WNT2: variants seen among roughly 807,000 people sequenced by gnomAD.
WNT2 encodes Wnt family member 2, also known as protein Wnt-2.
Under a neutral mutation model 36.9 loss-of-function variants are expected in WNT2, and 12 were observed. The observed-to-expected ratio is 0.33, with a 90% confidence interval of 0.21 to 0.53. The LOEUF (loss-of-function observed/expected upper bound fraction) is 0.53. WNT2 is among the 20% of genes least tolerant of loss of function. The pLI is 0.95. For missense variants in WNT2, 379 were observed against 473.1 expected (o/e 0.80, Z 1.84); for synonymous variants, 163 against 174.6 (o/e 0.93, Z 0.52).
chr7:117,309,144 C>T lies in WNT2; in HGVS notation c.588+5927G>A, dbSNP rs184275299. ...GTGCAGTGAGTCATGATTGCACTAC[C>T]GCACACTCCAGCCTGGGTGACAGGG... On this transcript the variant is annotated intron_variant, in intron 3 of 4. Transcript: ENST00000265441. 1.1e-4 allele frequency among the ~76,000 whole-genome samples: 17 copies of T among 151,614 alleles called. No homozygotes were observed. In the East Asian group the frequency reaches 2.1e-3, roughly 19 times the overall value.
intron 4 of WNT2, 35 bp from the exon 5 acceptor site, chr7:117,278,419 T>A: frequency 6.3e-7 from 1 of 1,586,656 alleles, no homozygotes; most frequent in Non-Finnish European, 8.6e-7. Context: ...ACTGAAAAGG[T>A]CTGGGTGGAA....
intron 3 of WNT2, among the ~76,000 whole-genome samples, chr7:117,302,719 A>G (rs1432620268): frequency 6.6e-6 from 1 of 152,204 alleles, no homozygotes; most frequent in Non-Finnish European, 1.5e-5. Flanking sequence ...TTAATAATGG[A>G]ATATTATGTG....
chr7:117,322,923 C>T lies in WNT2; in HGVS notation c.67G>A (p.Val23Ile), dbSNP rs1304367522. Residue 23 changes from valine (V) to isoleucine (I), a missense_variant, in exon 1 of 5, where the codon GTC becomes ATC. Coordinates refer to ENST00000265441, the MANE Select transcript of WNT2 (RefSeq NM_003391.3). This position sits in a 1 kb window ranked among gnomAD's most constrained non-coding sequence, Gnocchi z 5.4. ...PLLLTWLTPE[V>I]NSSWWYMRAT... ...TGGACTTACCACCATGAAGAGTTGA[C>T]CTCGGGGGTGAGCCAGGTCAAGAGC... 5.6e-6 allele frequency: 9 copies of T among 1,613,886 alleles called. No homozygotes were observed. The highest frequency in any genetic ancestry group is 7.6e-6 in the Non-Finnish European group (9 of 1,180,032).
chr7:117,310,551 C>G (rs1403749995), intron 3 of WNT2, among the ~76,000 whole-genome samples: 1 of 147,012 alleles, frequency 6.8e-6, no homozygotes, highest in African/African-American at 2.6e-5. Context: ...CCACCGCACT[C>G]CAGCCTGGGT....
chr7:117,305,900 C>T (rs188813118), intron 3 of WNT2, among the ~76,000 whole-genome samples: 2 of 152,272 alleles, frequency 1.3e-5, no homozygotes, highest in Admixed American at 6.5e-5. Context: ...GACCGACTTC[C>T]GCGGAGTTCT....
intron 4 of WNT2, among the ~76,000 whole-genome samples, chr7:117,296,055 T>C (rs910885727): frequency 3.3e-5 from 5 of 152,138 alleles, no homozygotes; most frequent in Non-Finnish European, 7.4e-5. Flanking sequence ...GCATAGGACT[T>C]AAATGATCAA....
rs180928825 is a variant in WNT2, at chr7:117,291,185, G to A, written c.853+6427C>T. 4.6e-5 allele frequency among the ~76,000 whole-genome samples: 7 copies of A among 152,276 alleles called. No individual in the cohort carries two copies. In the East Asian group the frequency reaches 5.8e-4, roughly 13 times the overall value. The stretch of plus-strand genomic sequence containing the variant: ...TGTGGGGGAAAAATGTGATACCTCG[G>A]TGCTTACACCATTCACAGCCTGGAG... On this transcript the variant is annotated intron_variant, in intron 4 of 4. Coordinates refer to ENST00000265441, the MANE Select transcript of WNT2 (RefSeq NM_003391.3).
chr7:117,292,507 C>T (rs1160547633), intron 4 of WNT2, among the ~76,000 whole-genome samples: 4 of 152,120 alleles, frequency 2.6e-5, no homozygotes, highest in South Asian at 2.1e-4. Flanking sequence ...GGGCCTGACT[C>T]GCAGCAGGAA....
At chr7:117,312,046 G>A (rs1175479154) in intron 3 of WNT2, among the ~76,000 whole-genome samples, 1 of 152,232 alleles carries the variant, frequency 6.6e-6, no homozygotes, top group Non-Finnish European at 1.5e-5. Flanking sequence ...AGGGCAGTAA[G>A]ACTGGAAACA....
At chr7:117,289,626 TG>T (rs1393456001) in intron 4 of WNT2, among the ~76,000 whole-genome samples, 1 of 152,224 alleles carries the variant, frequency 6.6e-6, no homozygotes. Flanking sequence ...AACTGTTTTA[TG>T]TTTTTTTATA....
chr7:117,305,151 A>G (rs145403969), intron 3 of WNT2, among the ~76,000 whole-genome samples: 1 of 152,254 alleles, frequency 6.6e-6, no homozygotes, highest in African/African-American at 2.4e-5. Flanking sequence ...CGCGTCCTCT[A>G]GGGCAGCATT....
At chr7:117,313,084 G>A (rs1211240439) in intron 3 of WNT2, among the ~76,000 whole-genome samples, 1 of 152,216 alleles carries the variant, frequency 6.6e-6, no homozygotes, top group African/African-American at 2.4e-5. Context: ...GAGCCTTAGA[G>A]CCAAGCCAGT....
chr7:117,298,601 G>A (rs1794840787), intron 3 of WNT2, among the ~76,000 whole-genome samples: 1 of 152,150 alleles, frequency 6.6e-6, no homozygotes, highest in African/African-American at 2.4e-5. Context: ...ATCTCGGCTG[G>A]CTCCCAATAT....
intron 4 of WNT2, among the ~76,000 whole-genome samples, chr7:117,281,172 G>C (rs1794481802): frequency 6.6e-6 from 1 of 152,180 alleles, no homozygotes; most frequent in Non-Finnish European, 1.5e-5. Context: ...CTGATTCAGG[G>C]AGGCTATTAG....
At chr7:117,279,000 C>A (rs1022569543) in intron 4 of WNT2, among the ~76,000 whole-genome samples, 1 of 152,202 alleles carries the variant, frequency 6.6e-6, no homozygotes, top group Non-Finnish European at 1.5e-5. Context: ...AACTGTCTCT[C>A]CTGCTGCAGT....
intron 4 of WNT2, among the ~76,000 whole-genome samples, chr7:117,279,547 G>C (rs1000764147): frequency 2.0e-5 from 3 of 152,178 alleles, no homozygotes; most frequent in Non-Finnish European, 4.4e-5. Context: ...GTGGACTCGA[G>C]GAGGTCCACA....
intron 4 of WNT2, among the ~76,000 whole-genome samples, chr7:117,287,173 C>T (rs551346689): frequency 6.6e-6 from 1 of 152,030 alleles, no homozygotes; most frequent in Non-Finnish European, 1.5e-5. Flanking sequence ...ATGGTGAGAC[C>T]CTGTCCCTAT....
At position 117,322,875 on chromosome 7, in the gene WNT2, A is replaced by G; in HGVS notation, c.83+32T>C. The G allele has an allele frequency of 4.4e-6, 7 of 1,592,272 alleles. No homozygotes were observed. Among genetic ancestry groups the G allele is most frequent in the Non-Finnish European group, 5.1e-6 (6 of 1,172,254 alleles). ...CAATGCGGTCCCCATTCCGATCTCC[A>G]AAATCCCCCGCGCCCGTGCGCGTGG... is the stretch of plus-strand genomic sequence containing the variant. On this transcript the variant is annotated intron_variant, in intron 1 of 4. Transcript: ENST00000265441. This position sits in a 1 kb window ranked among gnomAD's most constrained non-coding sequence, Gnocchi z 5.4.
chr7:117,280,106 C>G (rs1462828453), intron 4 of WNT2, among the ~76,000 whole-genome samples: 1 of 152,008 alleles, frequency 6.6e-6, no homozygotes, highest in Non-Finnish European at 1.5e-5. Context: ...CGGCGGAGAG[C>G]AGGAAGACTG....
Sources: allele counts gnomAD v4.1 joint callset (sites outside exome capture counted in the v4.1 genomes callset), GRCh38; gene constraint gnomAD v4.1.1; non-coding constraint Gnocchi (gnomAD v3.1); transcripts MANE v1.5; gene names NCBI Gene and HGNC (gene_info 2026-07-23, HGNC 2026-07-21).